The following CUX1 variants were observed in gnomAD, a reference collection of about 807,000 sequenced individuals.
The protein encoded by CUX1 is cut like homeobox 1.
In CUX1, 31 loss-of-function variants were observed where a neutral mutation model predicts 158.8. The ratio of observed to expected loss-of-function variants is 0.20; its 90% CI spans 0.15 to 0.26. The LOEUF (loss-of-function observed/expected upper bound fraction) is 0.26. Ranked by LOEUF, CUX1 falls within the 10% of genes least tolerant of loss-of-function variation. The pLI, the probability that CUX1 is intolerant of heterozygous loss-of-function variation, is 1.00. For missense variants in CUX1, 1,589 were observed against 2,014.6 expected (o/e 0.79, Z 4.04); for synonymous variants, 879 against 862.1 (o/e 1.02, Z -0.34).
intron 6 of CUX1, among the ~76,000 whole-genome samples, chr7:102,105,316 G>A (rs1465517485): frequency 6.6e-6 from 1 of 151,868 alleles, no homozygotes; most frequent in Non-Finnish European, 1.5e-5. Flanking sequence ...CAGGGAGTTA[G>A]TATCAGTAAA....
chr7:102,126,016 AT>A (rs1832598179), intron 8 of CUX1, among the ~76,000 whole-genome samples: 1 of 150,652 alleles, frequency 6.6e-6, no homozygotes, highest in African/African-American at 2.4e-5. Flanking sequence ...TTTATGTTTT[AT>A]TTTATTTTAT....
chr7:101,903,313 A>G (rs902705345), intron 1 of CUX1, among the ~76,000 whole-genome samples: 6 of 152,080 alleles, frequency 3.9e-5, no homozygotes, highest in Non-Finnish European at 8.8e-5. Flanking sequence ...GCTATGGGGA[A>G]CCCAGGCAAA....
intron 4 of CUX1, among the ~76,000 whole-genome samples, chr7:102,093,901 T>C (rs1478407900): frequency 2.6e-5 from 4 of 152,170 alleles, no homozygotes; most frequent in African/African-American, 4.8e-5. Flanking sequence ...TCCTGTTTTA[T>C]ATATGGGTGT....
intron 2 of CUX1, among the ~76,000 whole-genome samples, chr7:101,950,086 C>A (rs902878786): frequency 2.0e-5 from 3 of 152,182 alleles, no homozygotes; most frequent in Non-Finnish European, 4.4e-5. Flanking sequence ...TCTCAGCTCA[C>A]TGTAACCTCC....
intron 15 of CUX1, 139 bp downstream of exon 15, chr7:102,197,444 C>A: frequency 9.4e-7 from 1 of 1,058,994 alleles, no homozygotes; most frequent in Non-Finnish European, 1.4e-6. Context: ...TTGCTTCTGC[C>A]ACGTCCAGAG....
At chr7:102,187,369 T>C (rs1020219520) in intron 11 of CUX1, among the ~76,000 whole-genome samples, 22 of 152,176 alleles carry the variant, frequency 1.4e-4, no homozygotes, top group African/African-American at 5.3e-4. Flanking sequence ...AGTCCCACTG[T>C]TGAGGGCCCA....
chr7:102,088,403 C>T (rs1020044408), intron 4 of CUX1, among the ~76,000 whole-genome samples: 1 of 152,030 alleles, frequency 6.6e-6, no homozygotes, highest in Non-Finnish European at 1.5e-5. Flanking sequence ...GAGGCTGAGG[C>T]GGGCAGATCG....
intron 20 of CUX1, among the ~76,000 whole-genome samples, chr7:102,214,001 G>A (rs1796802008): frequency 6.6e-6 from 1 of 152,180 alleles, no homozygotes; most frequent in African/African-American, 2.4e-5. Context: ...TGGGTGTGGT[G>A]GCGGATGCCT....
At chr7:102,048,079 C>G (rs746586837) in intron 3 of CUX1, among the ~76,000 whole-genome samples, 1 of 152,154 alleles carries the variant, frequency 6.6e-6, no homozygotes, top group Admixed American at 6.6e-5. Context: ...AGCACCATTT[C>G]CATGATGTCG....
chr7:102,036,748 ACAAG>A (rs1821464921), intron 3 of CUX1, among the ~76,000 whole-genome samples: 2 of 150,056 alleles, frequency 1.3e-5, no homozygotes, highest in African/African-American at 2.4e-5. Context: ...TCTCAAAAAA[ACAAG>A]CAAACAAACA....
intron 1 of CUX1, among the ~76,000 whole-genome samples, chr7:101,839,486 C>A (rs1327295059): frequency 6.6e-6 from 1 of 152,202 alleles, no homozygotes; most frequent in Non-Finnish European, 1.5e-5. Context: ...TTTCTTTCCC[C>A]CACAATCTCA....
chr7:102,242,673 C>A (rs781816369), intron 23 of CUX1, among the ~76,000 whole-genome samples: 5 of 152,298 alleles, frequency 3.3e-5, no homozygotes, highest in Non-Finnish European at 7.3e-5. Context: ...AAAACAGTTC[C>A]AAAAGTATGT....
At chr7:102,047,459 G>A (rs1822951055) in intron 3 of CUX1, among the ~76,000 whole-genome samples, 1 of 151,068 alleles carries the variant, frequency 6.6e-6, no homozygotes, top group Admixed American at 6.6e-5. Flanking sequence ...ATGGATGGGT[G>A]ATAGGATAGA....
At chr7:102,061,187 G>C (rs1824834344) in intron 3 of CUX1, among the ~76,000 whole-genome samples, 1 of 152,172 alleles carries the variant, frequency 6.6e-6, no homozygotes, top group South Asian at 2.1e-4. Flanking sequence ...GCCTCCCAAA[G>C]TGCTGGGATT....
chr7:102,220,066 G>T (rs1284244800), intron 20 of CUX1, among the ~76,000 whole-genome samples: 2 of 152,070 alleles, frequency 1.3e-5, no homozygotes, highest in Non-Finnish European at 2.9e-5. Context: ...AGGAGGCCAG[G>T]GCCGGGCACA....
rs1412550220 is a variant in CUX1 at position 102,201,303 on chromosome 7, T to C, written c.2063-57T>C. On this transcript the variant is annotated intron_variant, in intron 17 of 23. Transcript: ENST00000292535. This position sits in a 1 kb window ranked among gnomAD's most constrained non-coding sequence, Gnocchi z 5.0. Reference sequence around the variant, plus strand: ...GTAGGTCAAGTTAGGATGAGAAGCATGTCCCCAGCTGAAGGGGGCCGCCCT... The same window carrying C: ...GTAGGTCAAGTTAGGATGAGAAGCACGTCCCCAGCTGAAGGGGGCCGCCCT... The C allele has an allele frequency of 2.5e-6, 4 of 1,574,632 alleles. No homozygotes were observed. The highest frequency in any genetic ancestry group is 1.3e-5 in the African/African-American group (1 of 74,356).
intron 1 of CUX1, among the ~76,000 whole-genome samples, chr7:101,895,384 T>C (rs941755788): frequency 5.9e-5 from 9 of 152,082 alleles, no homozygotes; most frequent in African/African-American, 1.9e-4. Flanking sequence ...GTAAGGGCCA[T>C]TGGGAAACCA....
intron 1 of CUX1, among the ~76,000 whole-genome samples, chr7:101,865,842 A>G (rs1797882837): frequency 6.6e-6 from 1 of 152,224 alleles, no homozygotes; most frequent in Admixed American, 6.5e-5. Flanking sequence ...ACCGGCCCTC[A>G]TGGGACTTCC....
intron 20 of CUX1, among the ~76,000 whole-genome samples, chr7:102,226,281 C>G (rs1349491539): frequency 2.0e-5 from 3 of 152,172 alleles, no homozygotes; most frequent in Non-Finnish European, 4.4e-5. Context: ...CAGCAAAGAG[C>G]TCGGTTTTCA....
Sources: allele counts gnomAD v4.1 joint callset (sites outside exome capture counted in the v4.1 genomes callset), GRCh38; gene constraint gnomAD v4.1.1; non-coding constraint Gnocchi (gnomAD v3.1); transcripts MANE v1.5; gene names NCBI Gene and HGNC (gene_info 2026-07-23, HGNC 2026-07-21).